CTNNBL1: variants seen among roughly 807,000 people sequenced by gnomAD.
CTNNBL1 encodes catenin beta like 1.
A neutral mutation model predicts 72.7 loss-of-function variants in CTNNBL1; 31 were observed. The observed-to-expected ratio is 0.43, with a 90% CI of 0.32 to 0.58. The LOEUF (loss-of-function observed/expected upper bound fraction) is 0.58, where lower values mean the gene tolerates loss of function less well. CTNNBL1 is among the 20% of genes least tolerant of loss of function. The pLI is 0.08. For synonymous variants in CTNNBL1, 240 were observed against 267.3 expected (o/e 0.90, Z 1.00); for missense variants, 534 against 725.1 (o/e 0.74, Z 3.03).
chr20:37,737,516 C>T, intron 3 of CTNNBL1, 32 bp downstream of exon 3: 6 of 1,436,526 alleles, frequency 4.2e-6, no homozygotes, highest in Non-Finnish European at 5.8e-6. Flanking sequence ...ACCATGTCTC[C>T]TCTGTGGCGT....
intron 4 of CTNNBL1, among the ~76,000 whole-genome samples, chr20:37,748,393 G>A (rs1211990953): frequency 6.6e-6 from 1 of 152,164 alleles, no homozygotes; most frequent in East Asian, 1.9e-4. Context: ...GGGGTTCTGG[G>A]TTGTATAAGA....
intron 1 of CTNNBL1, among the ~76,000 whole-genome samples, chr20:37,698,660 CTTCCTG>C (rs1568741058): frequency 6.6e-6 from 1 of 152,222 alleles, no homozygotes; most frequent in Non-Finnish European, 1.5e-5. Flanking sequence ...CATGTCCACT[CTTCCTG>C]TTCCTAAAAG....
chr20:37,869,212 T>C (rs2072561827), intron 15 of CTNNBL1, among the ~76,000 whole-genome samples: 1 of 152,118 alleles, frequency 6.6e-6, no homozygotes, highest in Non-Finnish European at 1.5e-5. Flanking sequence ...ACGACCAAAG[T>C]AATAAAGAGG....
At chr20:37,706,799 ACTATCCATGGCAG>A (rs1348518190) in intron 1 of CTNNBL1, among the ~76,000 whole-genome samples, 1 of 152,248 alleles carries the variant, frequency 6.6e-6, no homozygotes, top group Non-Finnish European at 1.5e-5. Context: ...CAGAAGAATC[ACTATCCATGGCAG>A]CTATAGACTT....
chr20:37,722,334 T>C (rs2073047699), intron 1 of CTNNBL1, among the ~76,000 whole-genome samples: 2 of 151,916 alleles, frequency 1.3e-5, no homozygotes, highest in South Asian at 4.2e-4. Context: ...ATTAGCCAGG[T>C]GTGGTAGTGC....
chr20:37,740,098 T>TA (rs991433566), intron 3 of CTNNBL1, among the ~76,000 whole-genome samples: 1 of 152,174 alleles, frequency 6.6e-6, no homozygotes, highest in African/African-American at 2.4e-5. Context: ...TGATTTTATT[T>TA]AAAAAAATCG....
chr20:37,808,827 G>C (rs1223823211), intron 11 of CTNNBL1, among the ~76,000 whole-genome samples: 1 of 151,978 alleles, frequency 6.6e-6, no homozygotes, highest in African/African-American at 2.4e-5. Context: ...AACTCAGCTT[G>C]TTCAAAACCA....
chr20:37,834,248 T>C (rs1178283522), intron 11 of CTNNBL1, among the ~76,000 whole-genome samples: 5 of 150,452 alleles, frequency 3.3e-5, no homozygotes, highest in South Asian at 2.1e-4. Context: ...CCCCATCTTG[T>C]TGAGGTATAT....
At chr20:37,871,740 A>G (rs565347463) in intron 15 of CTNNBL1, among the ~76,000 whole-genome samples, 185 bp from the exon 16 acceptor site, 1 of 152,246 alleles carries the variant, frequency 6.6e-6, no homozygotes, top group African/African-American at 2.4e-5. Context: ...AAGCATGGAA[A>G]GGTAAGTTGG....
At chr20:37,816,613 G>A (rs2072061440) in intron 11 of CTNNBL1, among the ~76,000 whole-genome samples, 1 of 152,146 alleles carries the variant, frequency 6.6e-6, no homozygotes, top group Non-Finnish European at 1.5e-5. Flanking sequence ...TGGTAGTGTT[G>A]TGGTGTGTAT....
chr20:37,762,931 C>T (rs2073430953), intron 5 of CTNNBL1, among the ~76,000 whole-genome samples: 2 of 152,198 alleles, frequency 1.3e-5, no homozygotes, highest in Admixed American at 1.3e-4. Context: ...TTATCCATAA[C>T]CATTCAGCTC....
chr20:37,755,896 G>C (rs2073359320), intron 4 of CTNNBL1, among the ~76,000 whole-genome samples: 1 of 152,056 alleles, frequency 6.6e-6, no homozygotes, highest in Admixed American at 6.5e-5. Flanking sequence ...TGCTCACCGT[G>C]CTTTAGTGCG....
At chr20:37,801,539 TA>T (rs2073823772) in intron 10 of CTNNBL1, among the ~76,000 whole-genome samples, 1 of 152,228 alleles carries the variant, frequency 6.6e-6, no homozygotes, top group Non-Finnish European at 1.5e-5. Flanking sequence ...AAAACACCTT[TA>T]TTTTTTTTCT....
At position 37,712,711 on chromosome 20, in the gene CTNNBL1, A is replaced by G. The variant is rs374438120; in HGVS notation, c.30+18559A>G. 6.6e-5 allele frequency among the ~76,000 whole-genome samples: 10 copies of G among 152,342 alleles called. No individual in the cohort carries two copies. The East Asian group carries it at 1.9e-3, about 29-fold the overall frequency. ...CCTCTGCTGTCTCTGCTGGATCTCCACTGGGAGTTCTGCCATCAGACTTGT... is the reference window on the plus strand; with the variant it reads ...CCTCTGCTGTCTCTGCTGGATCTCCGCTGGGAGTTCTGCCATCAGACTTGT... On this transcript the variant is annotated intron_variant, in intron 1 of 15. Coordinates refer to ENST00000361383, the MANE Select transcript of CTNNBL1 (RefSeq NM_030877.5).
chr20:37,819,034 C>A (rs551896484), intron 11 of CTNNBL1, among the ~76,000 whole-genome samples: 1 of 152,126 alleles, frequency 6.6e-6, no homozygotes, highest in African/African-American at 2.4e-5. Context: ...TTCATCTTTG[C>A]GTCATTTCCA....
chr20:37,801,280 C>A (rs2122733020), intron 10 of CTNNBL1, among the ~76,000 whole-genome samples: 2 of 152,146 alleles, frequency 1.3e-5, no homozygotes, highest in South Asian at 4.2e-4. Context: ...GAAGCAGAAC[C>A]CATTTCTTAC....
chr20:37,842,953 T>G (rs898431788), intron 13 of CTNNBL1, among the ~76,000 whole-genome samples: 11 of 152,340 alleles, frequency 7.2e-5, no homozygotes, highest in African/African-American at 2.6e-4. Context: ...TGACCCTTGT[T>G]TTCTCATGTT....
Position 37,778,196 on chromosome 20 carries a change from G to A in CTNNBL1, c.882+484G>A, listed in dbSNP as rs147931066. Among the ~76,000 whole-genome samples the A allele has an allele frequency of 1.8e-3, 275 of 152,180 alleles. 6 individuals carry two copies. In the South Asian group the frequency reaches 0.038, roughly 21 times the overall value. Reference sequence around the variant, plus strand: ...GTGCTGAAGGCTGGAGTGAGAACTTGGAAACTGCCATTTTCTCACTGTAAG... The same window carrying A: ...GTGCTGAAGGCTGGAGTGAGAACTTAGAAACTGCCATTTTCTCACTGTAAG... On this transcript the variant is annotated intron_variant, in intron 9 of 15. Transcript: ENST00000361383.
chr20:37,761,016 A>G (rs945574042), intron 5 of CTNNBL1, among the ~76,000 whole-genome samples: 2 of 152,082 alleles, frequency 1.3e-5, no homozygotes, highest in Non-Finnish European at 2.9e-5. Context: ...AGAAGTAAGT[A>G]ATGATAATAC....
Sources: allele counts gnomAD v4.1 joint callset (sites outside exome capture counted in the v4.1 genomes callset), GRCh38; gene constraint gnomAD v4.1.1; transcripts MANE v1.5; gene names NCBI Gene and HGNC (gene_info 2026-07-23, HGNC 2026-07-21).